Variants in STAG1 observed in about 807,000 individuals in gnomAD.
STAG1 encodes the protein cohesin subunit SA-1.
STAG1 carries 26 observed loss-of-function variants against 170.9 expected under a neutral mutation model. That is an observed-to-expected ratio of 0.15 (90% CI 0.11 to 0.21). The LOEUF is 0.21. STAG1 is among the 10% of genes least tolerant of loss of function. STAG1 has a pLI of 1.00. For missense variants in STAG1, 964 were observed against 1,509.5 expected, an observed-to-expected ratio of 0.64 and a Z score of 5.99; for synonymous variants, 514 against 497.7, an observed-to-expected ratio of 1.03 and a Z score of -0.44.
intron 1 of STAG1, among the ~76,000 whole-genome samples, chr3:136,692,952 T>C (rs1365726369): frequency 6.6e-6 from 1 of 152,124 alleles, no homozygotes; most frequent in Non-Finnish European, 1.5e-5. Context: ...TATGTTTCAA[T>C]AGGGAATTTT....
intron 1 of STAG1, among the ~76,000 whole-genome samples, chr3:136,724,530 A>T (rs1251069928): frequency 2.1e-5 from 3 of 145,822 alleles, no homozygotes; most frequent in African/African-American, 7.7e-5. Flanking sequence ...TTATCTGCTG[A>T]CCCTCCCTCC....
chr3:136,670,633 C>T (rs1941950164), intron 1 of STAG1, among the ~76,000 whole-genome samples: 1 of 151,884 alleles, frequency 6.6e-6, no homozygotes, highest in South Asian at 2.1e-4. Context: ...GCATTCCCAG[C>T]TTATTTTTTG....
chr3:136,460,819 C>A (rs2089253290), intron 13 of STAG1, among the ~76,000 whole-genome samples: 1 of 152,120 alleles, frequency 6.6e-6, no homozygotes, highest in Non-Finnish European at 1.5e-5. Flanking sequence ...CAAGCTCATT[C>A]TACAAGGTCA....
intron 7 of STAG1, among the ~76,000 whole-genome samples, chr3:136,505,718 A>C (rs1933724614): frequency 6.6e-6 from 1 of 152,224 alleles, no homozygotes; most frequent in African/African-American, 2.4e-5. Flanking sequence ...GAGGAAAAGA[A>C]GACAATAAAT....
At chr3:136,349,132 T>C in intron 29 of STAG1, 26 bp downstream of exon 29, 1 of 1,560,168 alleles carries the variant, frequency 6.4e-7, no homozygotes, top group South Asian at 1.1e-5. Flanking sequence ...GGCAAATTGT[T>C]TCTTATAGTG....
At chr3:136,490,326 C>A (rs1030057528) in intron 9 of STAG1, among the ~76,000 whole-genome samples, 2 of 152,136 alleles carry the variant, frequency 1.3e-5, no homozygotes, top group African/African-American at 4.8e-5. Flanking sequence ...CCGCACCCGA[C>A]TGCTAAGAGT....
At chr3:136,580,343 T>C (rs1010695321) in intron 4 of STAG1, among the ~76,000 whole-genome samples, 4 of 151,812 alleles carry the variant, frequency 2.6e-5, no homozygotes, top group African/African-American at 9.7e-5. Flanking sequence ...TACGAATCAA[T>C]AAATACTAGG....
chr3:136,350,910 A>G (rs1936411173), intron 28 of STAG1, among the ~76,000 whole-genome samples: 1 of 152,198 alleles, frequency 6.6e-6, no homozygotes, highest in Admixed American at 6.5e-5. Flanking sequence ...CCGGAAGTTC[A>G]ACAGAGAAAA....
chr3:136,505,905 T>C (rs1388129945), intron 7 of STAG1, among the ~76,000 whole-genome samples: 2 of 152,104 alleles, frequency 1.3e-5, no homozygotes, highest in Non-Finnish European at 2.9e-5. Context: ...GGTAAACTGT[T>C]GGGAGGAGGG....
chr3:136,459,452 T>C (rs867794812), intron 13 of STAG1, among the ~76,000 whole-genome samples: 16 of 152,060 alleles, frequency 1.1e-4, no homozygotes, highest in African/African-American at 3.4e-4. Flanking sequence ...ATGGGAAGAT[T>C]ATCCAGACGG....
intron 7 of STAG1, among the ~76,000 whole-genome samples, chr3:136,510,868 C>T (rs1379591680): frequency 2.0e-5 from 3 of 152,090 alleles, no homozygotes; most frequent in African/African-American, 7.2e-5. Flanking sequence ...ACCTCCACCT[C>T]CCAGGTTCAA....
intron 28 of STAG1, among the ~76,000 whole-genome samples, chr3:136,354,492 G>A (rs1007249316): frequency 6.6e-6 from 1 of 151,628 alleles, no homozygotes; most frequent in Non-Finnish European, 1.5e-5. Context: ...ATTAGAGATG[G>A]GGTTTCACCA....
At chr3:136,613,783 C>G (rs1168920975) in intron 3 of STAG1, among the ~76,000 whole-genome samples, 2 of 152,156 alleles carry the variant, frequency 1.3e-5, no homozygotes, top group Non-Finnish European at 2.9e-5. Flanking sequence ...CCACTGTGCC[C>G]GGCCAATTAA....
At chr3:136,496,327 C>A (rs1239043624) in intron 9 of STAG1, among the ~76,000 whole-genome samples, 1 of 152,130 alleles carries the variant, frequency 6.6e-6, no homozygotes, top group Non-Finnish European at 1.5e-5. Context: ...GCAGAATATA[C>A]CTTATTTTCT....
rs1235280540 is a variant in STAG1 at position 136,732,745 on chromosome 3, G to A, written c.-84+19450C>T. Among the ~76,000 whole-genome samples, 3 of 152,020 alleles carry A rather than the reference G, an allele frequency of 2.0e-5. 1 individual carries two copies. Among genetic ancestry groups the A allele is most frequent in the Admixed American group, 2.0e-4 (3 of 15,252 alleles). On this transcript the variant is annotated intron_variant, in intron 1 of 33. Coordinates refer to ENST00000383202, the MANE Select transcript of STAG1 (RefSeq NM_005862.3). The stretch of plus-strand genomic sequence containing the variant: ...CTGCCTCAGCCTCTCAAGTAGCTGG[G>A]ATTACAGGTGCCCACCACCATGCCA...
At chr3:136,513,679 G>A (rs530827894) in intron 7 of STAG1, among the ~76,000 whole-genome samples, 1 of 152,086 alleles carries the variant, frequency 6.6e-6, no homozygotes, top group South Asian at 2.1e-4. Flanking sequence ...ATTTAAATTG[G>A]GTCAAACTAT....
intron 1 of STAG1, among the ~76,000 whole-genome samples, chr3:136,640,616 G>A (rs1216440616): frequency 3.3e-5 from 5 of 150,628 alleles, no homozygotes; most frequent in East Asian, 3.9e-4. Context: ...TGAACCGCCC[G>A]CCTCAGCCTC....
At chr3:136,550,538 A>G (rs988667104) in intron 5 of STAG1, among the ~76,000 whole-genome samples, 1 of 152,124 alleles carries the variant, frequency 6.6e-6, no homozygotes, top group African/African-American at 2.4e-5. Flanking sequence ...TGATCTCCTG[A>G]CCTTGTGATC....
intron 14 of STAG1, among the ~76,000 whole-genome samples, chr3:136,450,490 CT>C (rs916722911): frequency 7.9e-5 from 12 of 152,160 alleles, no homozygotes; most frequent in African/African-American, 2.9e-4. Context: ...CCACTTTCTG[CT>C]GTTTTGCCCT....
Sources: allele counts gnomAD v4.1 joint callset (sites outside exome capture counted in the v4.1 genomes callset), GRCh38; gene constraint gnomAD v4.1.1; transcripts MANE v1.5; gene names NCBI Gene and HGNC (gene_info 2026-07-23, HGNC 2026-07-21).